Variants in PCDHGA3 observed in about 807,000 individuals in gnomAD.
The protein encoded by PCDHGA3 is protocadherin gamma-A3.
In PCDHGA3, 40 loss-of-function variants were observed where a neutral mutation model predicts 58.5. The ratio of observed to expected loss-of-function variants is 0.68; its 90% CI spans 0.53 to 0.89. The LOEUF (loss-of-function observed/expected upper bound fraction) is 0.89, where lower values mean the gene tolerates loss of function less well. Among genes scored for constraint, PCDHGA3 ranks in the 40% least tolerant of loss-of-function variants. The probability of loss-of-function intolerance (pLI) is 0.00; values close to 1 mark genes in which losing one functional copy is unlikely to be tolerated. For synonymous variants in PCDHGA3, 530 were observed against 525.7 expected (o/e 1.01, Z -0.11); for missense variants, 1,223 against 1,195.9 (o/e 1.02, Z -0.33).
chr5:141,427,556 C>A (rs1022143090), intron 1 of PCDHGA3: 7 of 649,144 alleles, frequency 1.1e-5, no homozygotes, highest in African/African-American at 1.1e-4. Flanking sequence ...CTGCCACTGA[C>A]AAGGGCAAGC....
At chr5:141,384,656 A>G in intron 1 of PCDHGA3, 1 of 1,614,192 alleles carries the variant, frequency 6.2e-7, no homozygotes, top group Non-Finnish European at 8.5e-7. Flanking sequence ...GAGCCCGGCT[A>G]CCTGGTGACC....
rs1363891858 is a variant in PCDHGA3, at chr5:141,491,369, C to T, written c.2425-3438C>T. 8.7e-6 allele frequency: 14 copies of T among 1,614,110 alleles called. No homozygotes were observed. Among genetic ancestry groups the T allele is most frequent in the East Asian group, 2.2e-5 (1 of 44,866 alleles). On this transcript the variant is annotated intron_variant, in intron 1 of 3. Coordinates refer to ENST00000253812, the MANE Select transcript of PCDHGA3 (RefSeq NM_018916.4). The surrounding 1 kb of genome is among the most constrained non-coding windows in gnomAD (Gnocchi z 6.9). ...AGTCTCTTATCCCTAGTCACCTTCACCTTTCTGTCAGCGAAGTGCCTTCAG... is the reference window on the plus strand; with the variant it reads ...AGTCTCTTATCCCTAGTCACCTTCATCTTTCTGTCAGCGAAGTGCCTTCAG...
rs765885822 is a variant in PCDHGA3 at position 141,361,298 on chromosome 5, G to A, written c.2424+14841G>A. ...GGAGAAGTTTACTGCCAAGTGTTGG[G>A]AAATGCCAAGTTTATTTTGAAATCT... On this transcript the variant is annotated intron_variant, in intron 1 of 3. Coordinates refer to ENST00000253812, the MANE Select transcript of PCDHGA3 (RefSeq NM_018916.4). 170 of 1,613,882 alleles carry A rather than the reference G, an allele frequency of 1.1e-4. No individual in the cohort carries two copies. Among genetic ancestry groups the A allele is most frequent in the Non-Finnish European group, 1.3e-4 (151 of 1,179,896 alleles).
At chr5:141,423,395 C>G (rs1249200485) in intron 1 of PCDHGA3, 1 of 1,614,060 alleles carries the variant, frequency 6.2e-7, no homozygotes, top group Non-Finnish European at 8.5e-7. Context: ...TGGCATAAGT[C>G]ACGCCTGCTG....
chr5:141,469,314 C>T (rs982242861), intron 1 of PCDHGA3, among the ~76,000 whole-genome samples: 3 of 152,100 alleles, frequency 2.0e-5, no homozygotes, highest in Admixed American at 1.3e-4. Context: ...CGATGGCTCA[C>T]GCCTGTAATC....
Position 141,487,193 on chromosome 5 carries a change from C to T in PCDHGA3, c.2425-7614C>T. 6.2e-7 allele frequency: 1 copy of T among 1,613,784 alleles called. No individual in the cohort carries two copies. Among genetic ancestry groups the T allele is most frequent in the Non-Finnish European group, 8.5e-7 (1 of 1,179,724 alleles). On this transcript the variant is annotated intron_variant, in intron 1 of 3. Transcript: ENST00000253812. The surrounding 1 kb of genome is among the most constrained non-coding windows in gnomAD (Gnocchi z 5.0). ...AGAGGAAGACACTCATCCAGTTGTC[C>T]CAGATCTTCGAGAATCTTCAGCTCC...
rs773893751 is a variant in PCDHGA3 at position 141,431,903 on chromosome 5, G to A, written c.2425-62904G>A. 2 of 1,613,916 alleles carry A rather than the reference G, an allele frequency of 1.2e-6. No individual in the cohort carries two copies. Among genetic ancestry groups the A allele is most frequent in the South Asian group, 2.2e-5 (2 of 91,080 alleles). ...CCAAGATTCTGAGGAAAACGGACAG[G>A]TGATCTGTTTCATCCAAGGAAATCT... On this transcript the variant is annotated intron_variant, in intron 1 of 3. Transcript: ENST00000253812. The surrounding 1 kb of genome is among the most constrained non-coding windows in gnomAD (Gnocchi z 4.8).
rs1337141924 is a variant in PCDHGA3, at chr5:141,512,916, CTAATATT to C, written c.*1746_*1752del. On this transcript the variant is annotated 3_prime_UTR_variant, in exon 4 of 4. Coordinates refer to ENST00000253812, the MANE Select transcript of PCDHGA3 (RefSeq NM_018916.4). The stretch of plus-strand genomic sequence containing the variant: ...CTGTGTCTCACGCAAGTTTTATACT[CTAATATT>C]TATATGGCTTTTTTTCTTCGACAAA... The C allele has an allele frequency of 1.3e-5, 2 of 152,206 alleles. No homozygotes were observed. Among genetic ancestry groups the C allele is most frequent in the Non-Finnish European group, 2.9e-5 (2 of 68,046 alleles). The allele number at this position is 152,206 out of a possible 1,614,324, so 9.4% of individuals were successfully genotyped here.
At chr5:141,395,992 T>G (rs915228194) in intron 1 of PCDHGA3, 3 of 152,184 alleles carry the variant, frequency 2.0e-5, no homozygotes, top group African/African-American at 7.2e-5. Context: ...TAAAATGTAA[T>G]TTTAAACTGT....
chr5:141,488,312 A>G lies in PCDHGA3; in HGVS notation c.2425-6495A>G, dbSNP rs952247975. 7.9e-5 allele frequency among the ~76,000 whole-genome samples: 12 copies of G among 152,286 alleles called. 1 individual carries two copies. Among genetic ancestry groups the G allele is most frequent in the African/African-American group, 2.9e-4 (12 of 41,558 alleles). On this transcript the variant is annotated intron_variant, in intron 1 of 3. Coordinates refer to ENST00000253812, the MANE Select transcript of PCDHGA3 (RefSeq NM_018916.4). ...AGTAAGTGAAATCACTTATGTCAGA[A>G]AACTGGTTTACAGTTGGCTGATTCA...
chr5:141,399,540 C>A (rs775910113), intron 1 of PCDHGA3: 2 of 1,613,934 alleles, frequency 1.2e-6, no homozygotes, highest in Non-Finnish European at 1.7e-6. Context: ...CGCAAGTCTG[C>A]GCCTCGGACC....
intron 1 of PCDHGA3, chr5:141,422,889 G>A (rs62378455): frequency 0.035 from 55,863 of 1,614,202 alleles, 1,109 homozygotes; most frequent in Middle Eastern, 0.098. Context: ...TGTTCGTGCT[G>A]GACCAGAACG....
intron 1 of PCDHGA3, chr5:141,378,252 C>A (rs939045432): frequency 6.6e-6 from 1 of 152,178 alleles, no homozygotes; most frequent in Admixed American, 6.5e-5. Context: ...TGGCCGGGTG[C>A]GGTGGCTCAT....
At chr5:141,397,960 A>C in intron 1 of PCDHGA3, 2 of 1,021,904 alleles carry the variant, frequency 2.0e-6, no homozygotes, top group East Asian at 2.6e-5. Context: ...GCCCCAGCTC[A>C]GACTCCCCAG....
chr5:141,415,067 G>A, intron 1 of PCDHGA3: 1 of 1,613,398 alleles, frequency 6.2e-7, no homozygotes, highest in Non-Finnish European at 8.5e-7. Context: ...GGCGAGGTGC[G>A]CACGGCGCGA....
At chr5:141,355,378 G>C (rs371945703) in intron 1 of PCDHGA3, 50 of 1,613,924 alleles carry the variant, frequency 3.1e-5, no homozygotes, top group Non-Finnish European at 4.1e-5. Context: ...CCGGGAGCTG[G>C]CGGAGCGCGG....
chr5:141,429,861 A>G (rs1483953460), intron 1 of PCDHGA3, among the ~76,000 whole-genome samples: 1 of 152,226 alleles, frequency 6.6e-6, no homozygotes, highest in Non-Finnish European at 1.5e-5. Flanking sequence ...TCTTTGGACT[A>G]CCAATTTTCT....
chr5:141,420,330 C>G lies in PCDHGA3; in HGVS notation c.2424+73873C>G, dbSNP rs765696240. 711 of 1,399,258 alleles carry G rather than the reference C, an allele frequency of 5.1e-4. 1 individual carries two copies. The highest frequency in any genetic ancestry group is 6.5e-4 in the Non-Finnish European group (676 of 1,043,138). 86.7% of individuals were successfully genotyped at this position (1,399,258 alleles called of 1,614,324 possible). A position where few individuals can be genotyped will look rare whatever the true frequency, so the allele number is the denominator to read the frequency against. On this transcript the variant is annotated intron_variant, in intron 1 of 3. Coordinates refer to ENST00000253812, the MANE Select transcript of PCDHGA3 (RefSeq NM_018916.4). Reference sequence around the variant, plus strand: ...TTATATTACAATATGCCAATATATTCCAATATAGTGGTATTATTTTAAGAT... The same window carrying G: ...TTATATTACAATATGCCAATATATTGCAATATAGTGGTATTATTTTAAGAT...
At chr5:141,351,987 G>C (rs1399569045) in intron 1 of PCDHGA3, 1 of 1,611,124 alleles carries the variant, frequency 6.2e-7, no homozygotes, top group Non-Finnish European at 8.5e-7. Flanking sequence ...ATGGTGCCAC[G>C]CGCCGCAGAG....
Sources: gnomAD v4.1 joint callset for allele counts (sites outside exome capture counted in the v4.1 genomes callset) on GRCh38, gnomAD v4.1.1 for gene constraint, Gnocchi (gnomAD v3.1) non-coding constraint, MANE v1.5 for transcripts, NCBI Gene and HGNC (gene_info 2026-07-23, HGNC 2026-07-21) for gene names.